SLC35G2: variants seen among roughly 807,000 people sequenced by gnomAD.
SLC35G2 encodes the protein transmembrane protein 22.
SLC35G2 carries 20 observed loss-of-function variants against 27.2 expected under a neutral mutation model. That is an observed-to-expected ratio of 0.74 (90% CI 0.52 to 1.07). The LOEUF is 1.07. SLC35G2 is among the 50% of genes least tolerant of loss of function. The pLI is 0.00. For missense variants in SLC35G2, 416 were observed against 493.3 expected (o/e 0.84, Z 1.48); for synonymous variants, 148 against 165.3 (o/e 0.90, Z 0.80).
At chr3:136,822,341 C>T (rs1268002835) in intron 1 of SLC35G2, among the ~76,000 whole-genome samples, 2 of 152,084 alleles carry the variant, frequency 1.3e-5, no homozygotes, top group African/African-American at 4.8e-5. Context: ...GAGTCTTGCT[C>T]TTGTTGCCCA....
At chr3:136,831,723 T>C (rs1330357351) in intron 1 of SLC35G2, among the ~76,000 whole-genome samples, 1 of 152,180 alleles carries the variant, frequency 6.6e-6, no homozygotes, top group African/African-American at 2.4e-5. Flanking sequence ...TGTGACAGCC[T>C]GGGTTTGAAG....
At chr3:136,823,580 TTTTC>T (rs930012282) in intron 1 of SLC35G2, among the ~76,000 whole-genome samples, 21 of 151,968 alleles carry the variant, frequency 1.4e-4, no homozygotes, top group African/African-American at 4.6e-4. Flanking sequence ...TTGATTTGAT[TTTTC>T]TTTTTCTTTT....
At chr3:136,843,057 C>G (rs9834250) in intron 1 of SLC35G2, 103,119 of 151,834 alleles carry the variant, frequency 0.68, 35,300 homozygotes, top group East Asian at 0.87. Context: ...GGCATGGTGG[C>G]TCATGCCTGT....
Position 136,854,895 on chromosome 3 carries a change from C to G in SLC35G2, c.435C>G (p.Val145=). The change falls in exon 2 of 2, where the codon GTC becomes GTG. Residue 145 remains valine (V), a synonymous_variant. Coordinates refer to ENST00000446465, the MANE Select transcript of SLC35G2 (RefSeq NM_025246.3). The stretch of plus-strand genomic sequence containing the variant: ...TTTTTATCCGTTCTGTTTTTCAGGT[C>G]TTATCTGTGTTAGTTGTGTGTTACT... ...ELIFIRSVFQ[V]LSVLVVCYYQ... is the part of the protein sequence containing the mutation. The G allele has an allele frequency of 6.2e-7, 1 of 1,614,108 alleles. No homozygotes were observed. Among genetic ancestry groups the G allele is most frequent in the African/African-American group, 1.3e-5 (1 of 75,020 alleles).
intron 1 of SLC35G2, among the ~76,000 whole-genome samples, chr3:136,850,548 C>T (rs1247089629): frequency 6.6e-6 from 1 of 151,858 alleles, no homozygotes; most frequent in Non-Finnish European, 1.5e-5. Context: ...TCTATCCTTT[C>T]TTCTATTAAA....
At chr3:136,820,218 T>TG (rs1560008148) in intron 1 of SLC35G2, 1 of 151,844 alleles carries the variant, frequency 6.6e-6, no homozygotes, top group Non-Finnish European at 1.5e-5. Context: ...TCCAGAGGGC[T>TG]GGGGGTAGGT....
intron 1 of SLC35G2, among the ~76,000 whole-genome samples, chr3:136,824,699 A>G (rs924351336): frequency 7.9e-5 from 12 of 152,312 alleles, no homozygotes; most frequent in African/African-American, 2.2e-4. Context: ...TTTGCAAACA[A>G]GGATAATTTG....
chr3:136,826,018 G>GCTTTT (rs1317227487), intron 1 of SLC35G2, among the ~76,000 whole-genome samples: 1 of 126,758 alleles, frequency 7.9e-6, no homozygotes, highest in African/African-American at 2.9e-5. Context: ...CAGGTCCTGG[G>GCTTTT]CTTTTCTTTT....
chr3:136,835,451 C>T (rs1384950075), intron 1 of SLC35G2, among the ~76,000 whole-genome samples: 3 of 151,598 alleles, frequency 2.0e-5, no homozygotes, highest in African/African-American at 7.3e-5. Context: ...TTAAAAGGCA[C>T]ATAATATTGT....
At chr3:136,830,735 T>G (rs966519419) in intron 1 of SLC35G2, among the ~76,000 whole-genome samples, 3 of 152,198 alleles carry the variant, frequency 2.0e-5, no homozygotes, top group African/African-American at 7.2e-5. Context: ...TTTTTATTCT[T>G]TTTTCTTTTT....
chr3:136,849,222 A>G (rs1253962905), intron 1 of SLC35G2, among the ~76,000 whole-genome samples: 2 of 151,970 alleles, frequency 1.3e-5, no homozygotes, highest in Non-Finnish European at 2.9e-5. Flanking sequence ...ACACGTAACG[A>G]ATCTGCACAT....
chr3:136,849,329 AT>A (rs1937533698), intron 1 of SLC35G2, among the ~76,000 whole-genome samples: 1 of 152,030 alleles, frequency 6.6e-6, no homozygotes, highest in Non-Finnish European at 1.5e-5. Context: ...ATTTATATAT[AT>A]TTTATCATTA....
intron 1 of SLC35G2, among the ~76,000 whole-genome samples, chr3:136,851,460 T>C (rs1431358119): frequency 3.3e-5 from 4 of 120,232 alleles, no homozygotes; most frequent in Non-Finnish European, 4.8e-5. Flanking sequence ...ATTGTGCCAC[T>C]GCGCTCCAGC....
At chr3:136,836,847 T>TA (rs1242422515) in intron 1 of SLC35G2, among the ~76,000 whole-genome samples, 4 of 152,216 alleles carry the variant, frequency 2.6e-5, no homozygotes, top group Non-Finnish European at 1.5e-5. Flanking sequence ...TAGAGGGAAA[T>TA]ACTGCTTTTA....
rs1310676580 is a variant in SLC35G2, at chr3:136,854,976, T to G, written c.516T>G (p.Gly172=). 6.2e-7 allele frequency: 1 copy of G among 1,614,190 alleles called. No individual in the cohort carries two copies. ...ACAGATTACGACTCTTCTTTTATGG[T>G]GTATGCAATGTCATTTCTATCACTT... ...SGYRLRLFFY[G]VCNVISITCA... is the part of the protein sequence containing the mutation. Residue 172 remains glycine (G), a synonymous_variant, in exon 2 of 2, where the codon GGT becomes GGG. Coordinates refer to ENST00000446465, the MANE Select transcript of SLC35G2 (RefSeq NM_025246.3).
Position 136,854,773 on chromosome 3 carries a change from T to C in SLC35G2, c.313T>C (p.Trp105Arg). Residue 105 changes from tryptophan (W) to arginine (R), a missense_variant, in exon 2 of 2, where the codon TGG becomes CGG. Coordinates refer to ENST00000446465, the MANE Select transcript of SLC35G2 (RefSeq NM_025246.3). Reference protein sequence around the residue: ...EKNIFQSRKMWIVLFGSALAH... With the variant: ...EKNIFQSRKMRIVLFGSALAH... ...AAACATTTTTCAATCCCGAAAAATGTGGATAGTGCTGTTTGGATCTGCTTT... is the reference window on the plus strand; with the variant it reads ...AAACATTTTTCAATCCCGAAAAATGCGGATAGTGCTGTTTGGATCTGCTTT... 1 of 1,614,182 alleles carries C rather than the reference T, an allele frequency of 6.2e-7. No individual in the cohort carries two copies. The highest frequency in any genetic ancestry group is 8.5e-7 in the Non-Finnish European group (1 of 1,180,022).
At chr3:136,850,220 C>T (rs578024709) in intron 1 of SLC35G2, among the ~76,000 whole-genome samples, 6 of 152,206 alleles carry the variant, frequency 3.9e-5, no homozygotes, top group South Asian at 2.1e-4. Context: ...CTTTTAAATT[C>T]TTTGTACTGC....
chr3:136,838,381 C>T (rs888808391), intron 1 of SLC35G2: 1 of 151,622 alleles, frequency 6.6e-6, no homozygotes, highest in Non-Finnish European at 1.5e-5. Context: ...GCTACTTAAC[C>T]AATCAGATGT....
intron 1 of SLC35G2, chr3:136,842,773 G>C (rs775851215): frequency 6.6e-6 from 1 of 152,218 alleles, no homozygotes; most frequent in Non-Finnish European, 1.5e-5. Context: ...ACGCAAATAT[G>C]AATGAGAGCT....
Sources: gnomAD v4.1 joint callset for allele counts (sites outside exome capture counted in the v4.1 genomes callset) on GRCh38, gnomAD v4.1.1 for gene constraint, MANE v1.5 for transcripts, NCBI Gene and HGNC (gene_info 2026-07-23, HGNC 2026-07-21) for gene names.